TTC39C: variants seen among roughly 807,000 people sequenced by gnomAD.
TTC39C encodes the protein tetratricopeptide repeat protein 39C.
Under a neutral mutation model 76.3 loss-of-function variants are expected in TTC39C, and 33 were observed. The ratio of observed to expected loss-of-function variants is 0.43; its 90% CI spans 0.33 to 0.58. TTC39C has a LOEUF of 0.58. Among genes scored for constraint, TTC39C ranks in the 20% least tolerant of loss-of-function variants. TTC39C has a pLI of 0.04. For missense variants in TTC39C, 595 were observed against 701.4 expected (o/e 0.85, Z 1.71); for synonymous variants, 254 against 260.6 (o/e 0.97, Z 0.24).
Position 24,066,099 on chromosome 18 carries a change from G to A in TTC39C, c.304G>A (p.Ala102Thr). ...TTEKLCESEE[A>T]GVIETIKNKI... ...AGAAAAACTGTGTGAAAGTGAAGAG[G>A]CTGGAGTAATTGAAACAATCAAGAA... The change falls in exon 3 of 14, where the codon GCT (alanine) becomes ACT (threonine). Residue 102 changes from alanine to threonine, a missense_variant. Ala to Thr is a moderately conservative substitution (Grantham distance 58). Coordinates refer to ENST00000317571, the MANE Select transcript of TTC39C (RefSeq NM_001135993.2). 1 of 1,600,142 alleles carries A rather than the reference G, an allele frequency of 6.2e-7. No individual in the cohort carries two copies. The highest frequency in any genetic ancestry group is 1.4e-5 in the African/African-American group (1 of 73,962).
At chr18:24,053,149 C>T (rs906463825) in intron 1 of TTC39C, among the ~76,000 whole-genome samples, 1 of 152,254 alleles carries the variant, frequency 6.6e-6, no homozygotes, top group East Asian at 1.9e-4. Context: ...GAAAAATATT[C>T]TTAATAACAA....
chr18:24,113,965 A>G (rs2084854348), intron 6 of TTC39C: 1 of 421,644 alleles, frequency 2.4e-6, no homozygotes, highest in Non-Finnish European at 4.4e-6. Flanking sequence ...CAATTGGAGA[A>G]CAGCATTCTA....
chr18:24,093,348 G>A (rs903019206), intron 6 of TTC39C, among the ~76,000 whole-genome samples: 2 of 151,930 alleles, frequency 1.3e-5, no homozygotes, highest in Non-Finnish European at 2.9e-5. Flanking sequence ...GCGTGGTGGC[G>A]GGCGCCTGTA....
chr18:24,086,062 G>GA (rs2084435477), intron 6 of TTC39C, among the ~76,000 whole-genome samples: 2 of 152,158 alleles, frequency 1.3e-5, no homozygotes, highest in Non-Finnish European at 2.9e-5. Context: ...GGCCTTGAAG[G>GA]CCCTGACTCA....
In TTC39C at chr18:24,104,688, T is replaced by TG. The variant is rs1555776536; in HGVS notation, c.985-9866_985-9865insG. Among the ~76,000 whole-genome samples, 6 of 144,738 alleles carry TG rather than the reference T, an allele frequency of 4.1e-5. No homozygotes were observed. The Admixed American group carries it at 4.1e-4, about 10-fold the overall frequency. 95.0% of individuals were successfully genotyped at this position (144,738 alleles called of 152,430 possible). ...GCCCAGCGCTTAGGGAGCAGGGTGT[T>TG]TGTGTGTGTGTGTGTGTGTGTGTGT... is the stretch of plus-strand genomic sequence containing the variant. On this transcript the variant is annotated intron_variant, in intron 6 of 13. Coordinates refer to ENST00000317571, the MANE Select transcript of TTC39C (RefSeq NM_001135993.2).
At chr18:24,041,411 G>C (rs2083790752) in intron 1 of TTC39C, among the ~76,000 whole-genome samples, 3 of 152,294 alleles carry the variant, frequency 2.0e-5, no homozygotes, top group Admixed American at 2.0e-4. Context: ...GGGTGGGTGG[G>C]TAGCAGAGAA....
intron 4 of TTC39C, among the ~76,000 whole-genome samples, chr18:24,079,441 A>G (rs765498603): frequency 6.6e-6 from 1 of 152,174 alleles, no homozygotes; most frequent in Non-Finnish European, 1.5e-5. Flanking sequence ...TGTTCCTAAG[A>G]GGGCTCTGTT....
At chr18:24,084,265 C>A (rs1018760582) in intron 6 of TTC39C, among the ~76,000 whole-genome samples, 1 of 152,116 alleles carries the variant, frequency 6.6e-6, no homozygotes, top group African/African-American at 2.4e-5. Flanking sequence ...AGGTGTATCA[C>A]CTGAGGTCAG....
chr18:24,007,050 G>A (rs1394778069), intron 1 of TTC39C, among the ~76,000 whole-genome samples: 5 of 152,190 alleles, frequency 3.3e-5, no homozygotes, highest in Non-Finnish European at 7.3e-5. Flanking sequence ...CTTGCAGATA[G>A]AAAACTTTTT....
At chr18:24,081,594 G>A (rs996516242) in intron 5 of TTC39C, among the ~76,000 whole-genome samples, 14 of 151,986 alleles carry the variant, frequency 9.2e-5, no homozygotes, top group Admixed American at 5.2e-4. Context: ...ACACGATTCC[G>A]GATATTCTTT....
At chr18:24,125,881 C>T (rs1039437442) in intron 10 of TTC39C, among the ~76,000 whole-genome samples, 9 of 152,068 alleles carry the variant, frequency 5.9e-5, no homozygotes, top group Non-Finnish European at 1.0e-4. Context: ...GTGTGATTCA[C>T]ATAAGTAAAA....
chr18:24,064,294 T>C lies in TTC39C; in HGVS notation c.216+106T>C, dbSNP rs1057265393. ...AGATACACTATTGTAGAAAGTCTTT[T>C]AGAGTTTAAAACTGAAATAAAGTTT... On this transcript the variant is annotated intron_variant, in intron 2 of 13. Transcript: ENST00000317571. 9.0e-6 allele frequency: 12 copies of C among 1,332,004 alleles called. No homozygotes were observed. In the African/African-American group the frequency reaches 1.6e-4, roughly 18 times the overall value. 82.5% of individuals were successfully genotyped at this position (1,332,004 alleles called of 1,614,324 possible). A position where few individuals can be genotyped will look rare whatever the true frequency, so the allele number is the denominator to read the frequency against.
chr18:24,091,136 C>G (rs1354692985), intron 6 of TTC39C, among the ~76,000 whole-genome samples: 1 of 152,210 alleles, frequency 6.6e-6, no homozygotes, highest in Non-Finnish European at 1.5e-5. Flanking sequence ...ACATGGACAT[C>G]AAGACACGTC....
At chr18:24,022,411 A>T (rs1169455314) in intron 1 of TTC39C, 1 of 183,992 alleles carries the variant, frequency 5.4e-6, no homozygotes, top group East Asian at 1.9e-4. Flanking sequence ...CAGAGGGAGG[A>T]GGAAGAGCCC....
chr18:24,048,460 A>G (rs2083911234), intron 1 of TTC39C, among the ~76,000 whole-genome samples: 1 of 152,242 alleles, frequency 6.6e-6, no homozygotes, highest in Non-Finnish European at 1.5e-5. Flanking sequence ...CATTTATGCA[A>G]GGCTGCCCAT....
At chr18:24,116,111 A>ACTTATTCCT (rs2084888230) in intron 7 of TTC39C, among the ~76,000 whole-genome samples, 5 of 152,166 alleles carry the variant, frequency 3.3e-5, no homozygotes, top group Non-Finnish European at 5.9e-5. Context: ...CTTATTCCTG[A>ACTTATTCCT]GTTATTCCTG....
At position 24,088,123 on chromosome 18, in the gene TTC39C, TAAG is replaced by T. The variant is rs1314685684; in HGVS notation, c.984+5047_984+5049del. On this transcript the variant is annotated intron_variant, in intron 6 of 13. Coordinates refer to ENST00000317571, the MANE Select transcript of TTC39C (RefSeq NM_001135993.2). ...TGTAAAAATGTCTTGATAATTGAAA[TAAG>T]AAGATGATCTCCTAAGAAGGGGACC... Among the ~76,000 whole-genome samples, 11 of 152,318 alleles carry T rather than the reference TAAG, an allele frequency of 7.2e-5. No individual in the cohort carries two copies. The South Asian group carries it at 1.9e-3, about 26-fold the overall frequency.
At chr18:24,061,593 T>TGAAAAAAAAAA (rs1344347027) in intron 1 of TTC39C, among the ~76,000 whole-genome samples, 1 of 95,790 alleles carries the variant, frequency 1.0e-5, no homozygotes. Flanking sequence ...TTGAAATAAG[T>TGAAAAAAAAAA]AAAAAAAAAA....
chr18:24,000,258 T>C (rs1306760382), intron 1 of TTC39C: 2 of 152,106 alleles, frequency 1.3e-5, no homozygotes, highest in Non-Finnish European at 2.9e-5. Flanking sequence ...GTAATCAAAT[T>C]AAAACAAGGT....
Sources: allele counts gnomAD v4.1 joint callset (sites outside exome capture counted in the v4.1 genomes callset), GRCh38; gene constraint gnomAD v4.1.1; transcripts MANE v1.5; gene names NCBI Gene and HGNC (gene_info 2026-07-23, HGNC 2026-07-21).